TANC2: variants seen among roughly 807,000 people sequenced by gnomAD.
TANC2 encodes the protein tetratricopeptide repeat, ankyrin repeat and coiled-coil containing 2, also known as protein TANC2.
TANC2 carries 26 observed loss-of-function variants against 210.5 expected under a neutral mutation model. The ratio of observed to expected loss-of-function variants is 0.12; its 90% CI spans 0.09 to 0.17. The LOEUF (loss-of-function observed/expected upper bound fraction) is 0.17, where lower values mean the gene tolerates loss of function less well. Among genes scored for constraint, TANC2 ranks in the 10% least tolerant of loss-of-function variants. The pLI is 1.00. For missense variants in TANC2, 2,129 were observed against 2,608.9 expected (o/e 0.82, Z 4.01); for synonymous variants, 931 against 967.1 (o/e 0.96, Z 0.69).
chr17:63,133,059 C>T (rs903557342), intron 4 of TANC2, among the ~76,000 whole-genome samples: 7 of 152,144 alleles, frequency 4.6e-5, no homozygotes, highest in South Asian at 2.1e-4. Flanking sequence ...CTGCAACCTC[C>T]GCCTTCTGGG....
chr17:63,125,422 A>G (rs2038670753), intron 4 of TANC2, among the ~76,000 whole-genome samples: 1 of 152,126 alleles, frequency 6.6e-6, no homozygotes, highest in South Asian at 2.1e-4. Flanking sequence ...TTTGTTGAGA[A>G]GGGAAGCCGT....
intron 2 of TANC2, among the ~76,000 whole-genome samples, chr17:63,023,560 T>G (rs1281347361): frequency 6.6e-6 from 1 of 152,200 alleles, no homozygotes; most frequent in Admixed American, 6.5e-5. Context: ...TTGTTCAGTT[T>G]GGGACTTGCT....
intron 9 of TANC2, among the ~76,000 whole-genome samples, chr17:63,273,619 C>A (rs962813153): frequency 6.6e-6 from 1 of 152,200 alleles, no homozygotes; most frequent in African/African-American, 2.4e-5. Flanking sequence ...CCCCAGATGA[C>A]GCTTTTATTT....
intron 5 of TANC2, among the ~76,000 whole-genome samples, chr17:63,168,043 T>C (rs2040274984): frequency 6.6e-6 from 1 of 152,166 alleles, no homozygotes; most frequent in Non-Finnish European, 1.5e-5. Flanking sequence ...ATTGATTCTT[T>C]AACTTATGCC....
rs745539155 is a variant in TANC2 at position 63,340,117 on chromosome 17, A to C, written c.1592A>C (p.Tyr531Ser). The change falls in exon 12 of 28, where the codon TAT becomes TCT. Residue 531 changes from tyrosine to serine, a missense_variant. Physicochemically the swap from Tyr to Ser is moderately radical, Grantham distance 144. Coordinates refer to ENST00000689528, the Ensembl canonical transcript of TANC2. The stretch of plus-strand genomic sequence containing the variant: ...CTTTTGCAGGTGGTTGCCTATCACT[A>C]TTGTCAAGCAGATAATGCCTACACT... 3.1e-6 allele frequency: 5 copies of C among 1,613,702 alleles called. No individual in the cohort carries two copies. The highest frequency in any genetic ancestry group is 4.2e-6 in the Non-Finnish European group (5 of 1,179,852).
chr17:63,141,732 C>T (rs969985388), intron 4 of TANC2, among the ~76,000 whole-genome samples: 1 of 151,974 alleles, frequency 6.6e-6, no homozygotes, highest in Non-Finnish European at 1.5e-5. Context: ...AGAATGATCC[C>T]ATTTCATCAG....
At chr17:63,275,738 T>A (rs1230608395) in intron 9 of TANC2, among the ~76,000 whole-genome samples, 1 of 152,162 alleles carries the variant, frequency 6.6e-6, no homozygotes, top group African/African-American at 2.4e-5. Flanking sequence ...CATAACTTCC[T>A]ATAGTAAATA....
intron 7 of TANC2, among the ~76,000 whole-genome samples, chr17:63,219,612 A>G (rs1036833775): frequency 4.6e-5 from 7 of 152,032 alleles, no homozygotes; most frequent in African/African-American, 1.2e-4. Flanking sequence ...GGGTTTCCCC[A>G]TATTGGTCGG....
rs535176449 is a variant in TANC2 at position 63,125,898 on chromosome 17, A to G, written c.323-25372A>G. 3.9e-5 allele frequency among the ~76,000 whole-genome samples: 6 copies of G among 152,356 alleles called. No homozygotes were observed. The South Asian group carries it at 1.2e-3, about 32-fold the overall frequency. ...TAGCAATATAATGTAGCGTAAGCTT[A>G]TCTTACATAGTTTGTGTACTCTGGA... On this transcript the variant is annotated intron_variant, in intron 4 of 27. Transcript: ENST00000689528.
chr17:63,376,512 G>A (rs890699805), intron 14 of TANC2, among the ~76,000 whole-genome samples: 2 of 152,122 alleles, frequency 1.3e-5, no homozygotes, highest in South Asian at 2.1e-4. Flanking sequence ...TTAAGTGTCA[G>A]TAAAGAACCT....
intron 7 of TANC2, among the ~76,000 whole-genome samples, chr17:63,229,539 A>G (rs2042414206): frequency 7.1e-6 from 1 of 141,124 alleles, no homozygotes; most frequent in South Asian, 2.2e-4. Flanking sequence ...TCAGCTATAA[A>G]TCCGTCTGGT....
chr17:63,061,323 C>T (rs568803010), intron 2 of TANC2, among the ~76,000 whole-genome samples: 5 of 151,596 alleles, frequency 3.3e-5, no homozygotes, highest in East Asian at 1.9e-4. Context: ...GCCGAGATCA[C>T]GCCATTGCTC....
chr17:63,176,305 AG>A (rs2040577658), intron 5 of TANC2, among the ~76,000 whole-genome samples: 1 of 152,356 alleles, frequency 6.6e-6, no homozygotes, highest in East Asian at 1.9e-4. Context: ...GTTTATCAGC[AG>A]GGAAACAACA....
intron 15 of TANC2, among the ~76,000 whole-genome samples, chr17:63,386,836 CTGTTTTTTGGTGGTTGT>C (rs2047796416): frequency 1.3e-5 from 2 of 151,590 alleles, no homozygotes; most frequent in African/African-American, 4.8e-5. Flanking sequence ...TTTTTTCCTT[CTGTTTTTTGGTGGTTGT>C]TGTTTTTTGG....
exon 28 of TANC2, chr17:63,424,170 GAGCAGGTCCTGT>G (rs1369240775): frequency 6.6e-6 from 1 of 152,218 alleles, no homozygotes; most frequent in Non-Finnish European, 1.5e-5. Context: ...CCAGGCGAAT[GAGCAGGTCCTGT>G]AGCTTTACAA....
chr17:63,193,357 CAT>C (rs2041246084), intron 5 of TANC2, among the ~76,000 whole-genome samples: 1 of 152,168 alleles, frequency 6.6e-6, no homozygotes, highest in Non-Finnish European at 1.5e-5. Flanking sequence ...CAAAAATACA[CAT>C]ATACCCTATC....
chr17:63,256,928 A>G (rs981718237), intron 8 of TANC2, among the ~76,000 whole-genome samples: 1 of 151,278 alleles, frequency 6.6e-6, no homozygotes, highest in African/African-American at 2.4e-5. Context: ...AACTATAGCT[A>G]CTCCTATTCT....
chr17:62,983,530 T>A (rs1041793540), intron 1 of TANC2, among the ~76,000 whole-genome samples: 3 of 152,106 alleles, frequency 2.0e-5, no homozygotes, highest in Non-Finnish European at 4.4e-5. Context: ...AAGTGGGCAT[T>A]CTTGTCTTGT....
At chr17:63,232,681 C>T (rs996810963) in intron 7 of TANC2, among the ~76,000 whole-genome samples, 6 of 152,224 alleles carry the variant, frequency 3.9e-5, no homozygotes, top group Admixed American at 2.6e-4. Flanking sequence ...CGGGAACCCT[C>T]CTGTATAAGG....
Sources: allele counts gnomAD v4.1 joint callset (sites outside exome capture counted in the v4.1 genomes callset), GRCh38; gene constraint gnomAD v4.1.1; transcripts MANE v1.5; gene names NCBI Gene and HGNC (gene_info 2026-07-23, HGNC 2026-07-21).